Variants in BCAT1 observed in about 807,000 individuals in gnomAD.
BCAT1 encodes the protein branched chain amino acid transaminase 1.
A neutral mutation model predicts 52.4 loss-of-function variants in BCAT1; 48 were observed. That is an observed-to-expected ratio of 0.92 (90% CI 0.73 to 1.16). The LOEUF (loss-of-function observed/expected upper bound fraction) is 1.16, where lower values mean the gene tolerates loss of function less well. Among genes scored for constraint, BCAT1 ranks in the 50% most tolerant of loss-of-function variants. The probability of loss-of-function intolerance (pLI) is 0.00; values close to 1 mark genes in which losing one functional copy is unlikely to be tolerated. For synonymous variants in BCAT1, 167 were observed against 161.3 expected, an observed-to-expected ratio of 1.04 and a Z score of -0.27; for missense variants, 451 against 457.1, an observed-to-expected ratio of 0.99 and a Z score of 0.12.
At chr12:24,857,854 C>A (rs1411280445) in intron 5 of BCAT1, among the ~76,000 whole-genome samples, 1 of 152,140 alleles carries the variant, frequency 6.6e-6, no homozygotes, top group Non-Finnish European at 1.5e-5. Flanking sequence ...AATAACTAGG[C>A]AGGAAATATG....
chr12:24,925,777 A>C (rs1387245214), intron 1 of BCAT1, among the ~76,000 whole-genome samples: 1 of 152,110 alleles, frequency 6.6e-6, no homozygotes, highest in Admixed American at 6.5e-5. Context: ...TTTTTGGTGG[A>C]GACGGGGTTT....
intron 1 of BCAT1, among the ~76,000 whole-genome samples, chr12:24,928,297 T>C (rs1943624379): frequency 6.6e-6 from 1 of 152,082 alleles, no homozygotes; most frequent in Non-Finnish European, 1.5e-5. Flanking sequence ...ATTAATGGAT[T>C]AACTGCCTCC....
intron 3 of BCAT1, among the ~76,000 whole-genome samples, chr12:24,884,713 T>C (rs915208850): frequency 6.6e-6 from 1 of 152,166 alleles, no homozygotes; most frequent in Admixed American, 6.6e-5. Context: ...ATTATAGATA[T>C]AAGATATACA....
At chr12:24,856,802 G>C (rs1296061625) in intron 5 of BCAT1, among the ~76,000 whole-genome samples, 3 of 152,194 alleles carry the variant, frequency 2.0e-5, no homozygotes, top group Non-Finnish European at 4.4e-5. Context: ...TGGTCTTCAA[G>C]CTGGCCCGCA....
chr12:24,877,715 C>A (rs1942386442), intron 5 of BCAT1, among the ~76,000 whole-genome samples: 1 of 152,188 alleles, frequency 6.6e-6, no homozygotes, highest in Non-Finnish European at 1.5e-5. Context: ...ATTTCTACCT[C>A]AGAGAAGTAC....
At chr12:24,912,603 G>A (rs1943346058) in intron 1 of BCAT1, among the ~76,000 whole-genome samples, 1 of 151,144 alleles carries the variant, frequency 6.6e-6, no homozygotes, top group Non-Finnish European at 1.5e-5. Context: ...GATGGCTTAT[G>A]TCTGTAATCA....
chr12:24,818,730 T>C (rs917220795), intron 10 of BCAT1, among the ~76,000 whole-genome samples: 5 of 152,220 alleles, frequency 3.3e-5, no homozygotes, highest in African/African-American at 1.2e-4. Flanking sequence ...TATGTAACTG[T>C]ATCATAGTCA....
At chr12:24,859,087 G>A (rs575573594) in intron 5 of BCAT1, among the ~76,000 whole-genome samples, 5 of 152,294 alleles carry the variant, frequency 3.3e-5, no homozygotes, top group Admixed American at 1.3e-4. Flanking sequence ...AGGTTTATGA[G>A]AATCTTATCT....
chr12:24,856,113 G>A (rs1280154348), intron 5 of BCAT1, among the ~76,000 whole-genome samples: 1 of 152,140 alleles, frequency 6.6e-6, no homozygotes, highest in Non-Finnish European at 1.5e-5. Flanking sequence ...TTACATGTAA[G>A]CCACTGTGGA....
chr12:24,916,725 G>C (rs1018305257), intron 1 of BCAT1, among the ~76,000 whole-genome samples: 1 of 152,094 alleles, frequency 6.6e-6, no homozygotes, highest in African/African-American at 2.4e-5. Flanking sequence ...AGTTTTAGTA[G>C]AGACGGGGTT....
Position 24,870,330 on chromosome 12 carries a change from G to A in BCAT1, c.510+8200C>T, listed in dbSNP as rs571782508. ...TACATAATACAATATATAAAATCTG[G>A]TTAAATACATCAAATATAGTTGAGA... On this transcript the variant is annotated intron_variant, in intron 5 of 10. Coordinates refer to ENST00000261192, the MANE Select transcript of BCAT1 (RefSeq NM_005504.7). Among the ~76,000 whole-genome samples the A allele has an allele frequency of 8.5e-5, 13 of 152,212 alleles. No homozygotes were observed. In the East Asian group the frequency reaches 2.5e-3, roughly 29 times the overall value.
chr12:24,939,915 G>A (rs1427674926), intron 1 of BCAT1, among the ~76,000 whole-genome samples: 1 of 152,122 alleles, frequency 6.6e-6, no homozygotes, highest in East Asian at 1.9e-4. Context: ...TGACTCTGGT[G>A]TCAAGCTAAT....
At chr12:24,859,568 CCGAGATGGCGCCACTG>C (rs1407945424) in intron 5 of BCAT1, among the ~76,000 whole-genome samples, 1 of 143,836 alleles carries the variant, frequency 7.0e-6, no homozygotes, top group East Asian at 2.0e-4. Flanking sequence ...TTGCAGTGAG[CCGAGATGGCGCCACTG>C]AACTCCAGCT....
At chr12:24,921,178 A>T (rs953326595) in intron 1 of BCAT1, among the ~76,000 whole-genome samples, 1 of 152,194 alleles carries the variant, frequency 6.6e-6, no homozygotes, top group African/African-American at 2.4e-5. Flanking sequence ...ACCACTGGCC[A>T]TTGGTGATCA....
intron 7 of BCAT1, among the ~76,000 whole-genome samples, chr12:24,836,948 AAGAAAGAAAAGAGAAAG>A (rs1565454723): frequency 8.5e-6 from 1 of 117,236 alleles, no homozygotes; most frequent in Non-Finnish European, 2.0e-5. Context: ...GAAAGAAAGA[AAGAAAGAAAAGAGAAAG>A]AAAGAAAGAG....
intron 7 of BCAT1, among the ~76,000 whole-genome samples, chr12:24,837,129 G>C (rs891265858): frequency 1.5e-5 from 2 of 131,284 alleles, no homozygotes; most frequent in Admixed American, 1.5e-4. Flanking sequence ...AGGGAGGAAG[G>C]GGGGAGGGAA....
At chr12:24,934,354 A>G (rs2139749017) in intron 1 of BCAT1, among the ~76,000 whole-genome samples, 1 of 152,220 alleles carries the variant, frequency 6.6e-6, no homozygotes, top group South Asian at 2.1e-4. Flanking sequence ...ATTCAGTTAA[A>G]CCTCTTTTCT....
chr12:24,835,597 T>C (rs1480975078), intron 8 of BCAT1, among the ~76,000 whole-genome samples: 1 of 151,058 alleles, frequency 6.6e-6, no homozygotes, highest in Non-Finnish European at 1.5e-5. Context: ...ATTTATTTAA[T>C]TTACTTTTAG....
intron 5 of BCAT1, among the ~76,000 whole-genome samples, chr12:24,868,353 C>T (rs770597501): frequency 5.9e-5 from 9 of 152,000 alleles, no homozygotes; most frequent in South Asian, 4.2e-4. Context: ...GGGGTGTATC[C>T]GTATGTGCCA....
Sources: allele counts gnomAD v4.1 joint callset (sites outside exome capture counted in the v4.1 genomes callset), GRCh38; gene constraint gnomAD v4.1.1; transcripts MANE v1.5; gene names NCBI Gene and HGNC (gene_info 2026-07-23, HGNC 2026-07-21).